The following RYR1 variants were observed in gnomAD, a reference collection of about 807,000 sequenced individuals.
The protein encoded by RYR1 is ryanodine receptor 1.
A neutral mutation model predicts 583.5 loss-of-function variants in RYR1; 342 were observed. The ratio of observed to expected loss-of-function variants is 0.59; its 90% CI spans 0.54 to 0.64. The LOEUF is 0.64. Among genes scored for constraint, RYR1 ranks in the 30% least tolerant of loss-of-function variants. The pLI is 0.00. For missense variants in RYR1, 6,032 were observed against 6,917.2 expected, an observed-to-expected ratio of 0.87 and a Z score of 4.54; for synonymous variants, 2,791 against 2,822.5, an observed-to-expected ratio of 0.99 and a Z score of 0.35.
chr19:38,446,974 A>T (rs1342152413), intron 9 of RYR1, among the ~76,000 whole-genome samples: 1 of 152,110 alleles, frequency 6.6e-6, no homozygotes, highest in Non-Finnish European at 1.5e-5. Flanking sequence ...AGGCTGAGGC[A>T]AGAGGATCAC....
chr19:38,552,339 C>G (rs939614067), intron 89 of RYR1, among the ~76,000 whole-genome samples: 1 of 151,924 alleles, frequency 6.6e-6, no homozygotes, highest in Admixed American at 6.6e-5. Context: ...ACTGCAAACT[C>G]CGCTTCCTGG....
chr19:38,522,618 GAA>G (rs1052493268), intron 67 of RYR1, among the ~76,000 whole-genome samples: 1 of 150,622 alleles, frequency 6.6e-6, no homozygotes, highest in African/African-American at 2.4e-5. Flanking sequence ...CAGAAAGAAA[GAA>G]AGAGAGAGAG....
chr19:38,505,509 GT>G, intron 53 of RYR1, 111 bp downstream of exon 53: 1 of 849,322 alleles, frequency 1.2e-6, no homozygotes, highest in Non-Finnish European at 1.9e-6. Context: ...GGATCTGTGG[GT>G]TAGGTCTCCC....
intron 34 of RYR1, among the ~76,000 whole-genome samples, chr19:38,488,622 C>T (rs749270260): frequency 6.6e-6 from 1 of 152,198 alleles, no homozygotes; most frequent in African/African-American, 2.4e-5. Context: ...TTGCCTCAGC[C>T]TCCTGAGTAG....
rs1969814210 is a variant in RYR1 at position 38,496,199 on chromosome 19, C to T, written c.6549-16C>T. The T allele has an allele frequency of 6.2e-7, 1 of 1,610,492 alleles. No individual in the cohort carries two copies. Among genetic ancestry groups the T allele is most frequent in the East Asian group, 2.2e-5 (1 of 44,872 alleles). ...CCTGGGCCCCTGGTGACCCCGCACA[C>T]TCTGCCCGTGCACAGGAACATCATG... On this transcript the variant is annotated splice_polypyrimidine_tract_variant and intron_variant, in intron 39 of 105. Transcript: ENST00000359596. This position sits in a 1 kb window ranked among gnomAD's most constrained non-coding sequence, Gnocchi z 4.8.
chr19:38,535,968 AC>A, intron 81 of RYR1, 28 bp from the exon 82 acceptor site: 1 of 1,605,970 alleles, frequency 6.2e-7, no homozygotes, highest in Non-Finnish European at 8.5e-7. Context: ...TTCATCACAT[AC>A]CCCCTATCTT....
chr19:38,446,424 C>T (rs1304482676), intron 7 of RYR1, 48 bp from the exon 8 acceptor site: 2 of 1,423,622 alleles, frequency 1.4e-6, no homozygotes, highest in Non-Finnish European at 2.0e-6. Context: ...TCCTGGTCTT[C>T]CTGGGGCTCC....
intron 37 of RYR1, among the ~76,000 whole-genome samples, chr19:38,491,873 T>C (rs1228325560): frequency 8.5e-5 from 13 of 152,230 alleles, no homozygotes; most frequent in Non-Finnish European, 7.3e-5. Flanking sequence ...TATTTTATTT[T>C]TCAACTCCAG....
chr19:38,463,518 C>T lies in RYR1; in HGVS notation c.2673C>T (p.Thr891=). The change falls in exon 21 of 106, where the codon ACC becomes ACT. Residue 891 remains threonine, a synonymous_variant. Coordinates refer to ENST00000359596, the MANE Select transcript of RYR1 (RefSeq NM_000540.3). The part of the protein sequence containing the change: ...WALTRIEQGW[T]YGPVRDDNKR... ...TAACCCGCATCGAGCAGGGCTGGAC[C>T]TACGGCCCGGTGAGGGGCTGCCTGC... The T allele has an allele frequency of 6.2e-7, 1 of 1,612,290 alleles. No individual in the cohort carries two copies. Among genetic ancestry groups the T allele is most frequent in the South Asian group, 1.1e-5 (1 of 91,066 alleles).
At chr19:38,569,207 T>TCAC (rs895765357) in intron 93 of RYR1, among the ~76,000 whole-genome samples, 3 of 152,180 alleles carry the variant, frequency 2.0e-5, no homozygotes, top group Admixed American at 2.0e-4. Context: ...AAACGGGGTT[T>TCAC]CACCGTGTTA....
At chr19:38,536,817 C>T (rs1971991400) in intron 83 of RYR1, 50 bp downstream of exon 83, 3 of 1,596,092 alleles carry the variant, frequency 1.9e-6, no homozygotes, top group South Asian at 1.1e-5. Flanking sequence ...CCCACCCCTC[C>T]TAACCCCGTC....
In RYR1 at chr19:38,527,789, G is replaced by A. The variant is rs1971536204; in HGVS notation, c.10824+5G>A. 6.2e-7 allele frequency: 1 copy of A among 1,613,888 alleles called. No individual in the cohort carries two copies. Among genetic ancestry groups the A allele is most frequent in the South Asian group, 1.1e-5 (1 of 91,066 alleles). ...GTGCTCTACTACCTGGACCAGGTGG[G>A]TGGGGCCGGAGGGGTCTTTCTACTG... On this transcript the variant is annotated splice_donor_5th_base_variant and intron_variant, in intron 73 of 105. Transcript: ENST00000359596.
intron 65 of RYR1, among the ~76,000 whole-genome samples, chr19:38,517,088 G>A (rs1971003864): frequency 6.6e-6 from 1 of 152,100 alleles, no homozygotes; most frequent in Non-Finnish European, 1.5e-5. Context: ...GGCTTGGGAT[G>A]TGGGAGATTT....
At chr19:38,468,905 C>T in intron 25 of RYR1, 61 bp from the exon 26 acceptor site, 1 of 1,567,232 alleles carries the variant, frequency 6.4e-7, no homozygotes, top group Non-Finnish European at 8.8e-7. Context: ...TCCCTGCTTC[C>T]TTATCTCTCC....
At chr19:38,523,416 C>A in intron 69 of RYR1, 107 bp downstream of exon 69, 1 of 1,283,230 alleles carries the variant, frequency 7.8e-7, no homozygotes, top group Non-Finnish European at 1.1e-6. Flanking sequence ...TGGGCGCAAT[C>A]CCTGCAGTCC....
In RYR1 at chr19:38,483,367, G is replaced by A. The variant is rs1969112136; in HGVS notation, c.4785G>A (p.Glu1595=). 1 of 1,564,118 alleles carries A rather than the reference G, an allele frequency of 6.4e-7. No individual in the cohort carries two copies. The highest frequency in any genetic ancestry group is 8.7e-7 in the Non-Finnish European group (1 of 1,154,762). The change falls in exon 33 of 106, where the codon GAG becomes GAA. Residue 1595 remains glutamate, a synonymous_variant. Coordinates refer to ENST00000359596, the MANE Select transcript of RYR1 (RefSeq NM_000540.3). This position sits in a 1 kb window ranked among gnomAD's most constrained non-coding sequence, Gnocchi z 6.3. ...CCCCGCAGTGCCCACCGCGGCTGGA[G>A]ATGCAGATGCTGATGCCAGTGTCCT... ...NPAPQCPPRL[E]MQMLMPVSWS... is the part of the protein sequence containing the mutation.
chr19:38,507,079 AG>A, intron 57 of RYR1, 127 bp downstream of exon 57: 2 of 1,455,978 alleles, frequency 1.4e-6, no homozygotes, highest in Non-Finnish European at 1.9e-6. Flanking sequence ...ATGGAACCAG[AG>A]GGGAGGAGCT....
chr19:38,573,403 C>T (rs1973814218), intron 96 of RYR1, 96 bp downstream of exon 96: 27 of 1,471,366 alleles, frequency 1.8e-5, no homozygotes, highest in Non-Finnish European at 2.3e-5. Context: ...GGTTTCGGTC[C>T]GGGCACGGTG....
chr19:38,477,911 G>T, intron 30 of RYR1, 41 bp downstream of exon 30: 4 of 1,559,074 alleles, frequency 2.6e-6, no homozygotes, highest in Non-Finnish European at 3.5e-6. Context: ...AGGGTGGGGA[G>T]GGCAGGAGGC....
Sources: allele counts gnomAD v4.1 joint callset (sites outside exome capture counted in the v4.1 genomes callset), GRCh38; gene constraint gnomAD v4.1.1; non-coding constraint Gnocchi (gnomAD v3.1); transcripts MANE v1.5; gene names NCBI Gene and HGNC (gene_info 2026-07-23, HGNC 2026-07-21).